The following PTPRD variants were observed in gnomAD, a reference collection of about 807,000 sequenced individuals.
PTPRD encodes the protein receptor-type tyrosine-protein phosphatase delta.
In PTPRD, 34 loss-of-function variants were observed where a neutral mutation model predicts 214.5. The ratio of observed to expected loss-of-function variants is 0.16; its 90% CI spans 0.12 to 0.21. The LOEUF (loss-of-function observed/expected upper bound fraction) is 0.21, where lower values mean the gene tolerates loss of function less well. Among genes scored for constraint, PTPRD ranks in the 10% least tolerant of loss-of-function variants. The probability of loss-of-function intolerance (pLI) is 1.00; values close to 1 mark genes in which losing one functional copy is unlikely to be tolerated. For synonymous variants in PTPRD, 1,128 were observed against 845.7 expected (o/e 1.33, Z -5.79); for missense variants, 2,545 against 2,398.7 (o/e 1.06, Z -1.27).
At chr9:9,291,154 G>A (rs762886009) in intron 9 of PTPRD, among the ~76,000 whole-genome samples, 1 of 151,394 alleles carries the variant, frequency 6.6e-6, no homozygotes, top group Non-Finnish European at 1.5e-5. Context: ...CATTTCTGAG[G>A]CATATGTATG....
intron 11 of PTPRD, among the ~76,000 whole-genome samples, chr9:8,836,694 T>A (rs949605129): frequency 1.4e-5 from 2 of 144,206 alleles, no homozygotes; most frequent in Admixed American, 1.5e-4. Context: ...CCTCCCAGGT[T>A]CAAGCGATTC....
At chr9:9,258,128 G>T (rs191273002) in intron 9 of PTPRD, among the ~76,000 whole-genome samples, 25 of 151,070 alleles carry the variant, frequency 1.7e-4, no homozygotes, top group African/African-American at 6.1e-4. Flanking sequence ...CAGATAAACT[G>T]CATCAGGCTT....
chr9:8,436,688 A>C lies in PTPRD; in HGVS notation c.3990T>G (p.Gly1330=). The C allele has an allele frequency of 6.2e-7, 1 of 1,610,510 alleles. No homozygotes were observed. Among genetic ancestry groups the C allele is most frequent in the Non-Finnish European group, 8.5e-7 (1 of 1,177,770 alleles). ...ELRRLNFQTP[G]MASHPPIPIL... ...TGGGTATTGGAGGATGGCTAGCCAT[A>C]CCTATTGAAAAAAGCAAAGAAGAAA... Residue 1330 remains glycine, a splice_region_variant and synonymous_variant, in exon 35 of 46, where the codon GGT becomes GGG. Transcript: ENST00000381196.
At chr9:9,734,646 A>G (rs1359572307) in intron 6 of PTPRD, 75 bp from the exon 7 acceptor site, 4 of 152,148 alleles carry the variant, frequency 2.6e-5, no homozygotes, top group African/African-American at 9.6e-5. Flanking sequence ...ATAAAATGCT[A>G]TAATTCTACA....
rs1426285871 is a variant in PTPRD at position 10,255,682 on chromosome 9, T to G, written c.-545+85281A>C. 3.3e-5 allele frequency among the ~76,000 whole-genome samples: 5 copies of G among 152,346 alleles called. No homozygotes were observed. In the South Asian group the frequency reaches 1.0e-3, roughly 32 times the overall value. ...ATAACTTTTTGACTTTATAAACTTTTAAGTTTTTTAAACTTTTTAGTTTTT... is the reference window on the plus strand; with the variant it reads ...ATAACTTTTTGACTTTATAAACTTTGAAGTTTTTTAAACTTTTTAGTTTTT... On this transcript the variant is annotated intron_variant, in intron 3 of 45. Transcript: ENST00000381196.
Position 8,484,315 on chromosome 9 carries a change from C to T in PTPRD, c.3217G>A (p.Val1073Ile), listed in dbSNP as rs140371409. Residue 1073 changes from valine (V) to isoleucine (I), a missense_variant, in exon 30 of 46, where the codon GTC (valine) becomes ATC (isoleucine). By Grantham distance (29) the Val-to-Ile change is conservative. Coordinates refer to ENST00000381196, the MANE Select transcript of PTPRD (RefSeq NM_002839.4). ...TATGATTTCTCAGGCTTCAGGTTGA[C>T]AATTAACTTCTGTGTGGCTCGGCCA... Reference protein sequence around the residue: ...VDGRATQKLIVNLKPEKSYSF... With the variant: ...VDGRATQKLIINLKPEKSYSF... 6.0e-5 allele frequency: 97 copies of T among 1,614,058 alleles called. No homozygotes were observed. The African/African-American group carries it at 1.1e-3, about 19-fold the overall frequency.
chr9:8,357,919 A>G (rs980889245), intron 39 of PTPRD, among the ~76,000 whole-genome samples: 1 of 152,100 alleles, frequency 6.6e-6, no homozygotes, highest in Non-Finnish European at 1.5e-5. Context: ...TCAATAGCCT[A>G]CTCCCAGTCC....
intron 3 of PTPRD, among the ~76,000 whole-genome samples, chr9:10,074,338 C>T (rs2098092361): frequency 6.6e-6 from 1 of 151,980 alleles, no homozygotes; most frequent in South Asian, 2.1e-4. Context: ...GTTTGTGAGA[C>T]CAAATCCAAA....
intron 9 of PTPRD, among the ~76,000 whole-genome samples, chr9:9,315,885 A>G (rs1320653650): frequency 4.1e-5 from 6 of 146,290 alleles, no homozygotes; most frequent in Non-Finnish European, 1.5e-5. Context: ...AAAAAGTTAC[A>G]CAAAGAACCT....
At chr9:9,227,675 T>C (rs752746325) in intron 9 of PTPRD, among the ~76,000 whole-genome samples, 1 of 152,116 alleles carries the variant, frequency 6.6e-6, no homozygotes, top group Non-Finnish European at 1.5e-5. Context: ...CTTGAATTAC[T>C]TATCTGGGGG....
chr9:9,637,311 G>C (rs1295879323), intron 7 of PTPRD, among the ~76,000 whole-genome samples: 1 of 152,130 alleles, frequency 6.6e-6, no homozygotes, highest in African/African-American at 2.4e-5. Context: ...ATATGGGTGA[G>C]ATTCGTATCG....
chr9:10,087,177 G>A (rs928999070), intron 3 of PTPRD, among the ~76,000 whole-genome samples: 2 of 149,448 alleles, frequency 1.3e-5, no homozygotes, highest in Non-Finnish European at 3.0e-5. Context: ...TATGTAATAT[G>A]TATAATAAAG....
chr9:8,785,594 A>G (rs1317899077), intron 11 of PTPRD, among the ~76,000 whole-genome samples: 1 of 152,218 alleles, frequency 6.6e-6, no homozygotes, highest in Non-Finnish European at 1.5e-5. Context: ...GCTACCAGCT[A>G]CAACTCCTCA....
chr9:9,737,318 C>T (rs532503306), intron 6 of PTPRD, among the ~76,000 whole-genome samples: 23 of 152,196 alleles, frequency 1.5e-4, no homozygotes, highest in African/African-American at 5.5e-4. Flanking sequence ...TTTTTCTACC[C>T]TTTCTTTCAA....
chr9:10,165,899 A>G (rs947953766), intron 3 of PTPRD, among the ~76,000 whole-genome samples: 1 of 151,052 alleles, frequency 6.6e-6, no homozygotes, highest in African/African-American at 2.4e-5. Flanking sequence ...AAATATATAA[A>G]TACACATGTC....
intron 12 of PTPRD, among the ~76,000 whole-genome samples, chr9:8,724,944 AAATAAT>A (rs912837591): frequency 2.2e-4 from 34 of 152,302 alleles, no homozygotes; most frequent in Non-Finnish European, 4.3e-4. Context: ...TGTCCAAAAT[AAATAAT>A]AATAATAGCT....
Position 9,181,857 on chromosome 9 carries a change from A to G in PTPRD, c.-143+1447T>C, listed in dbSNP as rs181628872. The stretch of plus-strand genomic sequence containing the variant: ...AGAAAATAGGAACATCACTTGTATG[A>G]TTAGTTCTACAGAAATAAGTACTTT... On this transcript the variant is annotated intron_variant, in intron 10 of 45. Coordinates refer to ENST00000381196, the MANE Select transcript of PTPRD (RefSeq NM_002839.4). Among the ~76,000 whole-genome samples, 335 of 152,194 alleles carry G rather than the reference A, an allele frequency of 2.2e-3. 1 individual carries two copies. Among genetic ancestry groups the G allele is most frequent in the African/African-American group, 7.7e-3 (322 of 41,570 alleles).
At chr9:9,961,635 G>A (rs2094371997) in intron 4 of PTPRD, among the ~76,000 whole-genome samples, 1 of 152,064 alleles carries the variant, frequency 6.6e-6, no homozygotes, top group Admixed American at 6.6e-5. Context: ...CAGAGTGTGG[G>A]AAATGTTATG....
rs545144395 is a variant in PTPRD at position 9,291,599 on chromosome 9, A to G, written c.-203+105850T>C. Among the ~76,000 whole-genome samples the G allele has an allele frequency of 7.3e-5, 11 of 151,474 alleles. No homozygotes were observed. The East Asian group carries it at 2.0e-3, about 27-fold the overall frequency. On this transcript the variant is annotated intron_variant, in intron 9 of 45. Transcript: ENST00000381196. ...TTGTTAATATGTTATTAAATTTGCA[A>G]TACATTACAGTAAGCAACTATAAAG...
Sources: gnomAD v4.1 joint callset for allele counts (sites outside exome capture counted in the v4.1 genomes callset) on GRCh38, gnomAD v4.1.1 for gene constraint, MANE v1.5 for transcripts, NCBI Gene and HGNC (gene_info 2026-07-23, HGNC 2026-07-21) for gene names.